MYRIP: variants seen among roughly 807,000 people sequenced by gnomAD.
MYRIP encodes myosin VIIA and Rab interacting protein.
MYRIP carries 49 observed loss-of-function variants against 98.0 expected under a neutral mutation model. The ratio of observed to expected loss-of-function variants is 0.50; its 90% confidence interval spans 0.40 to 0.63. The LOEUF (loss-of-function observed/expected upper bound fraction) is 0.63, where lower values mean the gene tolerates loss of function less well. Among genes scored for constraint, MYRIP ranks in the 30% least tolerant of loss-of-function variants. MYRIP has a pLI of 0.00. For missense variants in MYRIP, 1,004 were observed against 1,058.2 expected, an observed-to-expected ratio of 0.95 and a Z score of 0.71; for synonymous variants, 404 against 409.5, an observed-to-expected ratio of 0.99 and a Z score of 0.16.
At chr3:40,046,649 A>G (rs1456722091) in intron 3 of MYRIP, among the ~76,000 whole-genome samples, 2 of 150,552 alleles carry the variant, frequency 1.3e-5, no homozygotes, top group African/African-American at 2.5e-5. Context: ...AGAGTCACCC[A>G]AGGTGTGTGG....
intron 3 of MYRIP, among the ~76,000 whole-genome samples, chr3:40,134,122 T>C (rs1949707676): frequency 6.6e-6 from 1 of 152,190 alleles, no homozygotes; most frequent in African/African-American, 2.4e-5. Flanking sequence ...AATCAGGGAA[T>C]TCCCTTTCCG....
chr3:40,137,545 T>G (rs910122075), intron 3 of MYRIP, among the ~76,000 whole-genome samples: 5 of 152,184 alleles, frequency 3.3e-5, no homozygotes, highest in African/African-American at 1.2e-4. Flanking sequence ...GAGGCCAGCA[T>G]CATCCTGATA....
chr3:39,944,262 A>G (rs1270664262), intron 2 of MYRIP, among the ~76,000 whole-genome samples: 4 of 152,184 alleles, frequency 2.6e-5, no homozygotes, highest in Non-Finnish European at 4.4e-5. Context: ...TTGAAATGGT[A>G]TATATTTGAG....
intron 3 of MYRIP, among the ~76,000 whole-genome samples, chr3:40,120,413 C>T (rs1287661949): frequency 6.6e-6 from 1 of 152,078 alleles, no homozygotes; most frequent in African/African-American, 2.4e-5. Flanking sequence ...GGAAATTGTA[C>T]ATAATTTTGA....
At chr3:40,024,316 A>G (rs1205835334) in intron 2 of MYRIP, among the ~76,000 whole-genome samples, 2 of 152,146 alleles carry the variant, frequency 1.3e-5, no homozygotes, top group Non-Finnish European at 2.9e-5. Context: ...AGTTGTGAAG[A>G]TAGTGATTGT....
chr3:40,063,871 G>A (rs1398586246), intron 3 of MYRIP, among the ~76,000 whole-genome samples: 1 of 152,156 alleles, frequency 6.6e-6, no homozygotes, highest in Non-Finnish European at 1.5e-5. Flanking sequence ...AGTAAAGAGT[G>A]CTCTGCCGGA....
intron 3 of MYRIP, among the ~76,000 whole-genome samples, chr3:40,091,517 C>A (rs1166135410): frequency 6.6e-6 from 1 of 152,180 alleles, no homozygotes; most frequent in Non-Finnish European, 1.5e-5. Context: ...ATATGGATTT[C>A]TCTAGTAAAT....
At chr3:39,932,372 T>G (rs1185096443) in intron 2 of MYRIP, among the ~76,000 whole-genome samples, 2 of 152,022 alleles carry the variant, frequency 1.3e-5, no homozygotes, top group Non-Finnish European at 2.9e-5. Context: ...ATGAGTCTTT[T>G]TTTTTTGGAA....
At chr3:39,811,874 G>A (rs1357775520) in intron 1 of MYRIP, among the ~76,000 whole-genome samples, 2 of 152,098 alleles carry the variant, frequency 1.3e-5, no homozygotes, top group Admixed American at 6.5e-5. Flanking sequence ...TTAAACTAGC[G>A]GTAGCATAGA....
chr3:39,951,789 C>A (rs1275367933), intron 2 of MYRIP, among the ~76,000 whole-genome samples: 1 of 152,094 alleles, frequency 6.6e-6, no homozygotes, highest in Admixed American at 6.6e-5. Context: ...GACAAAAGTT[C>A]TCTACTTTGA....
intron 2 of MYRIP, among the ~76,000 whole-genome samples, chr3:39,950,188 C>T (rs1394346083): frequency 6.6e-6 from 1 of 152,090 alleles, no homozygotes; most frequent in Non-Finnish European, 1.5e-5. Flanking sequence ...ACACATATAA[C>T]CTCATTAGAG....
intron 3 of MYRIP, among the ~76,000 whole-genome samples, chr3:40,094,295 G>A (rs563446076): frequency 1.5e-4 from 23 of 152,288 alleles, no homozygotes; most frequent in African/African-American, 4.8e-4. Context: ...AAACAAGACT[G>A]TTACCATTTC....
intron 11 of MYRIP, 70 bp downstream of exon 11, chr3:40,210,163 T>C (rs1462864352): frequency 6.5e-7 from 1 of 1,537,854 alleles, no homozygotes; most frequent in African/African-American, 1.4e-5. Context: ...AGATCCTATA[T>C]TGGTGCAGAA....
intron 3 of MYRIP, among the ~76,000 whole-genome samples, chr3:40,054,434 T>G (rs1947845619): frequency 6.6e-6 from 1 of 152,192 alleles, no homozygotes; most frequent in African/African-American, 2.4e-5. Flanking sequence ...ATGTGTCAAC[T>G]TGGCTAGGTC....
Position 39,965,900 on chromosome 3 carries a change from C to A in MYRIP, c.110+64974C>A, listed in dbSNP as rs1945427959. 2.6e-5 allele frequency among the ~76,000 whole-genome samples: 4 copies of A among 152,072 alleles called. No homozygotes were observed. The South Asian group carries it at 8.3e-4, about 32-fold the overall frequency. On this transcript the variant is annotated intron_variant, in intron 2 of 16. Transcript: ENST00000302541. ...TTTAGCAAAATAATATACATTTCTG[C>A]ATAATTGTATATGTTTGATATCAGT...
chr3:40,045,711 G>T (rs1373061576), intron 3 of MYRIP, among the ~76,000 whole-genome samples: 1 of 152,188 alleles, frequency 6.6e-6, no homozygotes, highest in Non-Finnish European at 1.5e-5. Flanking sequence ...TTCAAGCCAA[G>T]TTCCTGTAAC....
intron 9 of MYRIP, among the ~76,000 whole-genome samples, chr3:40,187,294 C>T (rs935696178): frequency 6.6e-6 from 1 of 152,124 alleles, no homozygotes; most frequent in Non-Finnish European, 1.5e-5. Flanking sequence ...GGAAGTAGGC[C>T]CAGAGGTGTT....
chr3:39,907,097 A>G (rs1345324150), intron 2 of MYRIP, among the ~76,000 whole-genome samples: 2 of 151,840 alleles, frequency 1.3e-5, no homozygotes, highest in African/African-American at 4.9e-5. Context: ...TGAGTACCCC[A>G]TGGACTGTGT....
At chr3:40,200,499 A>G (rs1388788086) in intron 10 of MYRIP, among the ~76,000 whole-genome samples, 2 of 152,042 alleles carry the variant, frequency 1.3e-5, no homozygotes, top group East Asian at 3.9e-4. Flanking sequence ...TTTAAATAGG[A>G]GTCTGTTGGA....
Sources: gnomAD v4.1 joint callset for allele counts (sites outside exome capture counted in the v4.1 genomes callset) on GRCh38, gnomAD v4.1.1 for gene constraint, MANE v1.5 for transcripts, NCBI Gene and HGNC (gene_info 2026-07-23, HGNC 2026-07-21) for gene names.